The following MTHFD1L variants were observed in gnomAD, a reference collection of about 807,000 sequenced individuals.
The protein encoded by MTHFD1L is monofunctional C1-tetrahydrofolate synthase, mitochondrial.
Under a neutral mutation model 119.5 loss-of-function variants are expected in MTHFD1L, and 81 were observed. The ratio of observed to expected loss-of-function variants is 0.68; its 90% confidence interval spans 0.57 to 0.82. MTHFD1L has a LOEUF of 0.82. Ranked by LOEUF, MTHFD1L falls within the 40% of genes least tolerant of loss-of-function variation. MTHFD1L has a pLI of 0.00. For synonymous variants in MTHFD1L, 430 were observed against 475.2 expected (o/e 0.90, Z 1.24); for missense variants, 1,125 against 1,253.4 (o/e 0.90, Z 1.55).
In MTHFD1L at chr6:150,865,873, G is replaced by T; in HGVS notation, c.51G>T (p.Gln17His). The T allele has an allele frequency of 8.3e-7, 1 of 1,198,464 alleles. No homozygotes were observed. The allele number at this position is 1,198,464 out of a possible 1,614,324, so 74.2% of individuals were successfully genotyped here. Residue 17 changes from glutamine (Q) to histidine (H), a missense_variant, in exon 1 of 28, where the codon CAG becomes CAT. By Grantham distance (24) the Gln-to-His change is conservative. This residue lies in a region of MTHFD1L where 1,058 missense variants were observed against 1,151.2 expected (regional missense o/e 0.92). Transcript: ENST00000367321. ...TGCGCCAGCTCCGCCGCCCGCCCCA[G>T]CCCCCGGGCCCTCCGCGCCGCCTCC... ...LVLRQLRRPP[Q>H]PPGPPRRLRV...
At chr6:150,875,918 T>G in intron 1 of MTHFD1L, 172 bp from the exon 2 acceptor site, 1 of 571,614 alleles carries the variant, frequency 1.7e-6, no homozygotes, top group Non-Finnish European at 3.1e-6. Flanking sequence ...TGTTAGTGTC[T>G]TGATTTCATT....
At chr6:150,923,192 A>T (rs1172561783) in intron 10 of MTHFD1L, among the ~76,000 whole-genome samples, 1 of 152,150 alleles carries the variant, frequency 6.6e-6, no homozygotes, top group Non-Finnish European at 1.5e-5. Flanking sequence ...TGTGCTCGTC[A>T]AGGTGGATAT....
intron 11 of MTHFD1L, among the ~76,000 whole-genome samples, chr6:150,930,923 G>A (rs1041757251): frequency 6.6e-6 from 1 of 152,096 alleles, no homozygotes; most frequent in Non-Finnish European, 1.5e-5. Context: ...CATATCGCAT[G>A]GTATTTACAC....
chr6:151,095,475 C>T (rs1794823421), intron 27 of MTHFD1L, among the ~76,000 whole-genome samples: 1 of 152,216 alleles, frequency 6.6e-6, no homozygotes, highest in Non-Finnish European at 1.5e-5. Flanking sequence ...CACATGCTCT[C>T]CAAGTAGGTC....
intron 11 of MTHFD1L, among the ~76,000 whole-genome samples, chr6:150,930,474 T>C (rs1333435695): frequency 6.6e-6 from 1 of 152,082 alleles, no homozygotes; most frequent in African/African-American, 2.4e-5. Flanking sequence ...TCTTTTCTAA[T>C]TCTGAAAATA....
chr6:150,895,792 G>A (rs766402863), intron 7 of MTHFD1L, among the ~76,000 whole-genome samples: 9 of 152,120 alleles, frequency 5.9e-5, no homozygotes, highest in Non-Finnish European at 1.0e-4. Context: ...TGTCCCAAAC[G>A]GGAGAAGGAA....
intron 26 of MTHFD1L, among the ~76,000 whole-genome samples, chr6:151,078,988 C>G (rs933844278): frequency 6.6e-6 from 1 of 152,114 alleles, no homozygotes. Context: ...AGGAGGATGG[C>G]TCCATGAAAG....
At chr6:150,946,864 A>C (rs867049570) in intron 15 of MTHFD1L, among the ~76,000 whole-genome samples, 13 of 151,894 alleles carry the variant, frequency 8.6e-5, no homozygotes, top group African/African-American at 3.1e-4. Context: ...TCCTGAGGTC[A>C]GGAGATTGAG....
intron 4 of MTHFD1L, among the ~76,000 whole-genome samples, chr6:150,879,692 C>T (rs531319568): frequency 2.0e-4 from 30 of 148,236 alleles, no homozygotes; most frequent in South Asian, 6.5e-4. Context: ...TCCAATGGCG[C>T]AATCTCCTCT....
intron 26 of MTHFD1L, among the ~76,000 whole-genome samples, chr6:151,046,999 CT>C (rs1170871514): frequency 6.6e-6 from 1 of 152,160 alleles, no homozygotes; most frequent in Non-Finnish European, 1.5e-5. Flanking sequence ...CGGATAATAT[CT>C]GGAACTCGCG....
At chr6:150,872,130 C>A (rs1258896499) in intron 1 of MTHFD1L, among the ~76,000 whole-genome samples, 1 of 152,118 alleles carries the variant, frequency 6.6e-6, no homozygotes, top group East Asian at 1.9e-4. Flanking sequence ...CCCGCCTCGG[C>A]CTCCCAAAGT....
chr6:150,876,027 TTG>T (rs747259554), intron 1 of MTHFD1L, 61 bp from the exon 2 acceptor site: 1 of 1,261,506 alleles, frequency 7.9e-7, no homozygotes, highest in Non-Finnish European at 1.1e-6. Flanking sequence ...AGAAAATGTG[TTG>T]TGTCAGTCCT....
chr6:151,052,683 G>T (rs1172408398), intron 26 of MTHFD1L, among the ~76,000 whole-genome samples: 1 of 152,170 alleles, frequency 6.6e-6, no homozygotes, highest in East Asian at 1.9e-4. Flanking sequence ...GGAATAAGGG[G>T]ATCAGACCAT....
At chr6:151,076,601 A>G (rs948009600) in intron 26 of MTHFD1L, among the ~76,000 whole-genome samples, 6 of 150,478 alleles carry the variant, frequency 4.0e-5, no homozygotes, top group East Asian at 2.0e-4. Context: ...CAGTGAGCCA[A>G]GATTGTACCA....
intron 27 of MTHFD1L, chr6:151,099,581 A>G (rs1400017987): frequency 5.6e-6 from 9 of 1,608,742 alleles, no homozygotes; most frequent in Admixed American, 1.7e-5. Flanking sequence ...AGAACCAAGA[A>G]GTTCATCCGG....
rs1782122364 is a variant in MTHFD1L, at chr6:150,885,643, C to T, written c.552C>T (p.Asp184=). The change falls in exon 6 of 28, where the codon GAC becomes GAT. Residue 184 remains aspartate (D), a synonymous_variant. Transcript: ENST00000367321. ...KPEKDVDGVT[D]INLGKLVRGD... is the part of the protein sequence containing the mutation. ...TTATTTTCTGATTCAGAGTAACAGA[C>T]ATAAACCTGGGGAAGCTGGTGCGAG... 1 of 1,613,540 alleles carries T rather than the reference C, an allele frequency of 6.2e-7. No individual in the cohort carries two copies. Among genetic ancestry groups the T allele is most frequent in the Non-Finnish European group, 8.5e-7 (1 of 1,179,708 alleles).
chr6:150,916,223 G>C (rs1787831916), intron 8 of MTHFD1L, among the ~76,000 whole-genome samples: 1 of 151,216 alleles, frequency 6.6e-6, no homozygotes, highest in African/African-American at 2.4e-5. Flanking sequence ...GGAGGATGCA[G>C]GCTAAAGTAT....
chr6:150,898,412 C>G (rs1409103422), intron 7 of MTHFD1L, among the ~76,000 whole-genome samples: 2 of 152,188 alleles, frequency 1.3e-5, no homozygotes, highest in Non-Finnish European at 1.5e-5. Context: ...TCAAAGGAGG[C>G]AGCGGAAGCC....
At chr6:151,014,069 A>T (rs529426972) in intron 22 of MTHFD1L, among the ~76,000 whole-genome samples, 1 of 152,324 alleles carries the variant, frequency 6.6e-6, no homozygotes, top group Non-Finnish European at 1.5e-5. Flanking sequence ...TACTAAAAAT[A>T]CAAAAATTAG....
Sources: gnomAD v4.1 joint callset for allele counts (sites outside exome capture counted in the v4.1 genomes callset) on GRCh38, gnomAD v4.1.1 for gene constraint, gnomAD v4.1.1 regional missense constraint, MANE v1.5 for transcripts, NCBI Gene and HGNC (gene_info 2026-07-23, HGNC 2026-07-21) for gene names.